The following TBC1D21 variants were observed in gnomAD, a reference collection of about 807,000 sequenced individuals.
TBC1D21 encodes TBC1 domain family member 21.
TBC1D21 carries 38 observed loss-of-function variants against 46.0 expected under a neutral mutation model. The ratio of observed to expected loss-of-function variants is 0.83; its 90% CI spans 0.64 to 1.08. The LOEUF (loss-of-function observed/expected upper bound fraction) is 1.08. Ranked by LOEUF, TBC1D21 falls within the 50% of genes least tolerant of loss-of-function variation. The probability of loss-of-function intolerance (pLI) is 0.00; values close to 1 mark genes in which losing one functional copy is unlikely to be tolerated. For missense variants in TBC1D21, 415 were observed against 417.9 expected (o/e 0.99, Z 0.06); for synonymous variants, 151 against 157.2 (o/e 0.96, Z 0.29).
At chr15:73,888,961 A>C (rs2068310969) in intron 10 of TBC1D21, 108 bp from the exon 11 acceptor site, 2 of 1,335,002 alleles carry the variant, frequency 1.5e-6, no homozygotes. Flanking sequence ...TGTCCATCCC[A>C]GTGGGTCTGG....
At chr15:73,877,652 A>T (rs1294496720) in intron 1 of TBC1D21, among the ~76,000 whole-genome samples, 2 of 152,118 alleles carry the variant, frequency 1.3e-5, no homozygotes, top group Non-Finnish European at 1.5e-5. Context: ...GTGAACATGG[A>T]TGCAAAAATT....
chr15:73,875,834 G>A (rs16958415), intron 1 of TBC1D21, among the ~76,000 whole-genome samples: 9,929 of 152,230 alleles, frequency 0.065, 789 homozygotes, highest in East Asian at 0.2. Flanking sequence ...CCCAGTGTAT[G>A]GAAAAGGGTG....
In TBC1D21 at chr15:73,884,914, C is replaced by T. The variant is rs1238632767; in HGVS notation, c.478+23C>T. ...CAGGTGAGCCTCAGCCTCCCCTTGTCAATGCCCTCCCAGGACCTGGCCCAA... is the reference window on the plus strand; with the variant it reads ...CAGGTGAGCCTCAGCCTCCCCTTGTTAATGCCCTCCCAGGACCTGGCCCAA... On this transcript the variant is annotated intron_variant, in intron 5 of 10. Transcript: ENST00000300504. 4.3e-6 allele frequency: 7 copies of T among 1,611,628 alleles called. No individual in the cohort carries two copies. In the Admixed American group the frequency reaches 1.0e-4, roughly 23 times the overall value.
downstream of TBC1D21, among the ~76,000 whole-genome samples, chr15:73,889,548 C>G (rs1378778676): frequency 5.3e-5 from 8 of 152,218 alleles, 1 homozygote; most frequent in Admixed American, 2.6e-4. Flanking sequence ...TGGGGCTCTG[C>G]CCCCACCCCC....
intron 10 of TBC1D21, 23 bp from the exon 11 acceptor site, chr15:73,889,046 C>T (rs2068312483): frequency 6.2e-7 from 1 of 1,613,106 alleles, no homozygotes; most frequent in African/African-American, 1.3e-5. Flanking sequence ...TGTCTGTGCA[C>T]CTCCCACCTG....
intron 1 of TBC1D21, among the ~76,000 whole-genome samples, chr15:73,876,220 T>TTTTGTTTG (rs1567062330): frequency 6.5e-5 from 3 of 46,198 alleles, no homozygotes; most frequent in African/African-American, 1.5e-4. Context: ...TTTTTTTTTT[T>TTTTGTTTG]TTTTTTTTTT....
the TBC1D21 span, chr15:73,909,850 T>C: frequency 6.6e-6 from 1 of 152,208 alleles, no homozygotes; most frequent in Non-Finnish European, 1.5e-5. Flanking sequence ...ATGAGGCTGA[T>C]CTGCAGCAAG....
rs751786594 is a variant in TBC1D21 at position 73,881,730 on chromosome 15, G to T, written c.255G>T (p.Thr85=). ...SWQSSQDERL[T]VDSMRRKNYK... ...AGAGTTCCCAGGATGAGCGGCTCACGGTGGACAGCATGAGGAGGTAGAACA... is the reference window on the plus strand; with the variant it reads ...AGAGTTCCCAGGATGAGCGGCTCACTGTGGACAGCATGAGGAGGTAGAACA... Residue 85 remains threonine, a synonymous_variant, in exon 3 of 11, where the codon ACG becomes ACT. Coordinates refer to ENST00000300504, the MANE Select transcript of TBC1D21 (RefSeq NM_153356.3). 6.2e-7 allele frequency: 1 copy of T among 1,613,638 alleles called. No individual in the cohort carries two copies. Among genetic ancestry groups the T allele is most frequent in the South Asian group, 1.1e-5 (1 of 91,054 alleles).
chr15:73,878,569 T>C (rs1324594703), intron 1 of TBC1D21, among the ~76,000 whole-genome samples: 24 of 152,226 alleles, frequency 1.6e-4, no homozygotes, highest in Non-Finnish European at 1.2e-4. Context: ...ACAAAATATA[T>C]GAATGACCTA....
chr15:73,881,600 GCATCGATAGAGCC>G, intron 2 of TBC1D21, 31 bp from the exon 3 acceptor site: 3 of 1,603,086 alleles, frequency 1.9e-6, no homozygotes, highest in Non-Finnish European at 2.6e-6. Flanking sequence ...CTTTTGGTAG[GCATCGATAGAGCC>G]CATGACCTCC....
At chr15:73,887,860 C>G (rs2068279320) in intron 9 of TBC1D21, 124 bp downstream of exon 9, 1 of 741,550 alleles carries the variant, frequency 1.3e-6, no homozygotes, top group Non-Finnish European at 2.2e-6. Context: ...TCCCCCCAGA[C>G]AGAAAGGGCA....
At chr15:73,907,891 C>T in the TBC1D21 span, among the ~76,000 whole-genome samples, 5 of 152,122 alleles carry the variant, frequency 3.3e-5, no homozygotes, top group Admixed American at 6.5e-5. Flanking sequence ...ACTGCTAGTA[C>T]GGTCAACCAG....
chr15:73,897,281 C>G, the TBC1D21 span, among the ~76,000 whole-genome samples: 3 of 152,200 alleles, frequency 2.0e-5, no homozygotes, highest in Non-Finnish European at 4.4e-5. Flanking sequence ...CTTTGAGCCT[C>G]TGTTTTCTCA....
chr15:73,898,880 A>ATAT, the TBC1D21 span, among the ~76,000 whole-genome samples: 12 of 56,798 alleles, frequency 2.1e-4, no homozygotes, highest in Non-Finnish European at 3.8e-4. Flanking sequence ...AAAAAAAAAA[A>ATAT]ATATATATAT....
At chr15:73,909,575 C>T in the TBC1D21 span, among the ~76,000 whole-genome samples, 2 of 152,044 alleles carry the variant, frequency 1.3e-5, no homozygotes, top group Non-Finnish European at 2.9e-5. Context: ...CTCATGTTTG[C>T]GTAAGGCCAT....
intron 1 of TBC1D21, among the ~76,000 whole-genome samples, chr15:73,875,327 AGGGAGGGAGGG>A (rs2068042684): frequency 1.3e-5 from 1 of 79,932 alleles, no homozygotes; most frequent in African/African-American, 5.9e-5. Context: ...GAAGGAAGGG[AGGGAGGGAGGG>A]AGGGAGGGAA....
At chr15:73,893,844 C>T (rs796126138), downstream of TBC1D21, among the ~76,000 whole-genome samples, 5 of 152,186 alleles carry the variant, frequency 3.3e-5, no homozygotes, top group Non-Finnish European at 5.9e-5. Context: ...CAGGACCCAA[C>T]CCCAAAGGAC....
Position 73,884,804 on chromosome 15 carries a change from G to A in TBC1D21, c.391G>A (p.Asp131Asn). Residue 131 changes from aspartate (D) to asparagine (N), a missense_variant, in exon 5 of 11, where the codon GAC (aspartate) becomes AAC (asparagine). Asp to Asn is a conservative substitution (Grantham distance 23). Coordinates refer to ENST00000300504, the MANE Select transcript of TBC1D21 (RefSeq NM_153356.3). ...AGCACGTGACATTCAGAAAATCTAT[G>A]ACAAAGATCCCCTGGGCAACGTCCT... ...NIARDIQKIY[D>N]KDPLGNVLID... is the part of the protein sequence containing the mutation. The A allele has an allele frequency of 6.2e-7, 1 of 1,614,048 alleles. No homozygotes were observed. Among genetic ancestry groups the A allele is most frequent in the Non-Finnish European group, 8.5e-7 (1 of 1,179,992 alleles).
chr15:73,907,589 C>CTTCTTATTCA, the TBC1D21 span, among the ~76,000 whole-genome samples: 1 of 152,184 alleles, frequency 6.6e-6, no homozygotes, highest in Non-Finnish European at 1.5e-5. Context: ...GCTTCTGTCA[C>CTTCTTATTCA]TTGCAAGCTG....
Sources: gnomAD v4.1 joint callset for allele counts (sites outside exome capture counted in the v4.1 genomes callset) on GRCh38, gnomAD v4.1.1 for gene constraint, MANE v1.5 for transcripts, NCBI Gene and HGNC (gene_info 2026-07-23, HGNC 2026-07-21) for gene names.